The following RAB38 variants were observed in gnomAD, a reference collection of about 807,000 sequenced individuals.
RAB38 encodes the protein ras-related protein Rab-38.
A neutral mutation model predicts 18.4 loss-of-function variants in RAB38; 15 were observed. That is an observed-to-expected ratio of 0.82 (90% CI 0.55 to 1.26). The LOEUF (loss-of-function observed/expected upper bound fraction) is 1.26. Among genes scored for constraint, RAB38 ranks in the 50% most tolerant of loss-of-function variants. RAB38 has a pLI of 0.00. For synonymous variants in RAB38, 101 were observed against 104.4 expected (o/e 0.97, Z 0.20); for missense variants, 294 against 267.4 (o/e 1.10, Z -0.69).
chr11:87,850,741 CACACAT>C, the RAB38 span, among the ~76,000 whole-genome samples: 7 of 149,860 alleles, frequency 4.7e-5, no homozygotes, highest in Admixed American at 1.3e-4. Flanking sequence ...CACACACACA[CACACAT>C]ACACACACAC....
the RAB38 span, among the ~76,000 whole-genome samples, chr11:88,033,576 G>T: frequency 1.3e-5 from 2 of 151,946 alleles, no homozygotes; most frequent in African/African-American, 4.8e-5. Context: ...ATGAAAAATT[G>T]ATATTGAAGT....
chr11:87,958,201 T>C, the RAB38 span, among the ~76,000 whole-genome samples: 3 of 152,188 alleles, frequency 2.0e-5, no homozygotes, highest in Admixed American at 2.0e-4. Context: ...TCTATGTTGT[T>C]AGATGATTTT....
chr11:87,884,744 C>T, the RAB38 span, among the ~76,000 whole-genome samples: 3 of 151,882 alleles, frequency 2.0e-5, no homozygotes, highest in Admixed American at 2.0e-4. Context: ...TGAGGGACTC[C>T]TCTTTTAATT....
the RAB38 span, among the ~76,000 whole-genome samples, chr11:87,955,967 C>CAAT: frequency 2.0e-5 from 3 of 151,406 alleles, no homozygotes; most frequent in Non-Finnish European, 4.4e-5. Flanking sequence ...AGAGAAAATG[C>CAAT]AATTTTATAA....
intron 1 of RAB38, among the ~76,000 whole-genome samples, chr11:88,162,291 A>G (rs538450340): frequency 1.3e-5 from 2 of 152,282 alleles, no homozygotes; most frequent in African/African-American, 4.8e-5. Flanking sequence ...ACCTAGGTGT[A>G]TATCCTAGAA....
the RAB38 span, among the ~76,000 whole-genome samples, chr11:87,930,643 G>A: frequency 6.6e-6 from 1 of 152,124 alleles, no homozygotes; most frequent in Non-Finnish European, 1.5e-5. Context: ...ATTTGACCAT[G>A]CCTATGTCCT....
At chr11:87,882,944 G>C in the RAB38 span, among the ~76,000 whole-genome samples, 4 of 151,948 alleles carry the variant, frequency 2.6e-5, no homozygotes, top group East Asian at 3.9e-4. Context: ...TGCTCTAAAA[G>C]ACAGCTCTGA....
At chr11:88,017,890 T>C in the RAB38 span, among the ~76,000 whole-genome samples, 6 of 151,908 alleles carry the variant, frequency 3.9e-5, no homozygotes, top group Non-Finnish European at 7.4e-5. Flanking sequence ...TAGGAGGTAA[T>C]TGAAACATGG....
chr11:88,009,947 C>A, the RAB38 span, among the ~76,000 whole-genome samples: 3 of 151,878 alleles, frequency 2.0e-5, no homozygotes, highest in African/African-American at 7.3e-5. Context: ...GAAATGAGAC[C>A]CAAATCTAAA....
the RAB38 span, among the ~76,000 whole-genome samples, chr11:88,054,879 C>G: frequency 2.0e-5 from 3 of 152,276 alleles, no homozygotes; most frequent in African/African-American, 7.2e-5. Flanking sequence ...AAGACAAAGC[C>G]TTGGGCATGA....
At chr11:87,937,816 C>T in the RAB38 span, among the ~76,000 whole-genome samples, 8 of 146,938 alleles carry the variant, frequency 5.4e-5, no homozygotes, top group Admixed American at 2.0e-4. Context: ...GCTTGGCCGG[C>T]GCTTTCTATT....
chr11:88,058,355 T>G, the RAB38 span, among the ~76,000 whole-genome samples: 1 of 152,280 alleles, frequency 6.6e-6, no homozygotes, highest in East Asian at 1.9e-4. Context: ...TCCTTAAACA[T>G]TGTTTTCTCA....
chr11:88,141,786 G>A lies in RAB38; in HGVS notation c.483+7889C>T, dbSNP rs140382556. On this transcript the variant is annotated intron_variant, in intron 2 of 2. Coordinates refer to ENST00000243662, the MANE Select transcript of RAB38 (RefSeq NM_022337.3). ...TATTTCTCAACTCCATGCCTTTCAC[G>A]TGCTGTTTCCTCTGCCTAGAATACC... 5.3e-4 allele frequency among the ~76,000 whole-genome samples: 80 copies of A among 152,186 alleles called. 1 individual carries two copies. In the East Asian group the frequency reaches 9.3e-3, roughly 18 times the overall value.
At chr11:87,837,648 A>C in the RAB38 span, among the ~76,000 whole-genome samples, 1 of 151,162 alleles carries the variant, frequency 6.6e-6, no homozygotes, top group East Asian at 2.0e-4. Context: ...ATATCAAATG[A>C]GTCAAGCATC....
the RAB38 span, among the ~76,000 whole-genome samples, chr11:88,056,233 TAC>T: frequency 1.3e-5 from 2 of 152,164 alleles, no homozygotes; most frequent in Non-Finnish European, 2.9e-5. Context: ...GGCTGGATAT[TAC>T]AGATACAAAG....
the RAB38 span, chr11:88,098,578 G>C: frequency 6.6e-6 from 1 of 151,888 alleles, no homozygotes. Flanking sequence ...TGAGTGCTGG[G>C]ATAATAACCT....
chr11:88,093,985 G>GCATTGCT, the RAB38 span, among the ~76,000 whole-genome samples: 17,173 of 151,836 alleles, frequency 0.11, 1,215 homozygotes, highest in Admixed American at 0.19. Flanking sequence ...AGCCACTCCT[G>GCATTGCT]CATCATTGCT....
At chr11:88,110,876 C>G (rs185729923), downstream of RAB38, among the ~76,000 whole-genome samples, 1 of 151,388 alleles carries the variant, frequency 6.6e-6, no homozygotes, top group Non-Finnish European at 1.5e-5. Context: ...TCTGGTGGCT[C>G]GCACCTGTAA....
the RAB38 span, among the ~76,000 whole-genome samples, chr11:87,875,613 AT>A: frequency 6.6e-6 from 1 of 151,308 alleles, no homozygotes; most frequent in Non-Finnish European, 1.5e-5. Flanking sequence ...TGAATATAGC[AT>A]TTTTCATTAT....
Sources: gnomAD v4.1 joint callset for allele counts (sites outside exome capture counted in the v4.1 genomes callset) on GRCh38, gnomAD v4.1.1 for gene constraint, MANE v1.5 for transcripts, NCBI Gene and HGNC (gene_info 2026-07-23, HGNC 2026-07-21) for gene names.